The following MLEC variants were observed in gnomAD, a reference collection of about 807,000 sequenced individuals.
MLEC encodes the protein malectin, also known as oligosaccharyltransferase complex subunit (non-catalytic).
A neutral mutation model predicts 28.7 loss-of-function variants in MLEC; 7 were observed. That is an observed-to-expected ratio of 0.24 (90% CI 0.14 to 0.46). The LOEUF (loss-of-function observed/expected upper bound fraction) is 0.46. Ranked by LOEUF, MLEC falls within the 20% of genes least tolerant of loss-of-function variation. MLEC has a pLI of 0.99. For synonymous variants in MLEC, 142 were observed against 164.4 expected, an observed-to-expected ratio of 0.86 and a Z score of 1.04; for missense variants, 237 against 391.1, an observed-to-expected ratio of 0.61 and a Z score of 3.32.
rs1882436017 is a variant in MLEC at position 120,701,234 on chromosome 12, A to G, written c.*4689A>G. The G allele has an allele frequency of 6.6e-6, 1 of 152,334 alleles. No homozygotes were observed. The highest frequency in any genetic ancestry group is 2.4e-5 in the African/African-American group (1 of 41,452). 9.4% of individuals were successfully genotyped at this position (152,334 alleles called of 1,614,324 possible). A position where few individuals can be genotyped will look rare whatever the true frequency, so the allele number is the denominator to read the frequency against. ...GCGCTTTCCGTCCTTTCAAAGGACA[A>G]CTGTCGGGAAGGGAGAGCCGAGTTG... On this transcript the variant is annotated 3_prime_UTR_variant, in exon 5 of 5. Transcript: ENST00000228506. The surrounding 1 kb of genome is among the most constrained non-coding windows in gnomAD (Gnocchi z 4.0).
chr12:120,696,352 A>C lies in MLEC; in HGVS notation c.686A>C (p.Lys229Thr), dbSNP rs1418124989. The C allele has an allele frequency of 1.2e-6, 2 of 1,614,212 alleles. No homozygotes were observed. Among genetic ancestry groups the C allele is most frequent in the Middle Eastern group, 1.6e-4 (1 of 6,062 alleles). ...PKLQPHPGLEKKEEEEEEEEY... is the reference protein window; with the variant it reads ...PKLQPHPGLETKEEEEEEEEY... ...CTTCAGCCTCATCCGGGATTGGAGA[A>C]GAAAGAAGAGGAAGAAGAAGAAGAA... Residue 229 changes from lysine (K) to threonine (T), a missense_variant, in exon 5 of 5, where the codon AAG becomes ACG. Physicochemically the swap from Lys to Thr is moderately conservative, Grantham distance 78. Coordinates refer to ENST00000228506, the MANE Select transcript of MLEC (RefSeq NM_014730.4). The surrounding 1 kb of genome is among the most constrained non-coding windows in gnomAD (Gnocchi z 5.4).
intron 1 of MLEC, chr12:120,693,873 T>G: frequency 6.8e-6 from 3 of 440,086 alleles, no homozygotes; most frequent in Non-Finnish European, 8.3e-6. Flanking sequence ...GTTGGCCTGA[T>G]TAGTGTTTAG....
intron 1 of MLEC, among the ~76,000 whole-genome samples, chr12:120,691,145 A>C (rs757637551): frequency 1.3e-5 from 2 of 152,192 alleles, no homozygotes; most frequent in Non-Finnish European, 2.9e-5. Context: ...TGTGGTTCCC[A>C]GTTGCAGTTT....
In MLEC at chr12:120,694,263, G is replaced by C. The variant is rs1039377658; in HGVS notation, c.408G>C (p.Gln136His). The C allele has an allele frequency of 1.9e-6, 3 of 1,613,692 alleles. No homozygotes were observed. The highest frequency in any genetic ancestry group is 2.5e-6 in the Non-Finnish European group (3 of 1,179,930). The change falls in exon 2 of 5, where the codon CAG becomes CAC. Residue 136 changes from glutamine to histidine, a missense_variant. Gln to His is a conservative substitution (Grantham distance 24). Coordinates refer to ENST00000228506, the MANE Select transcript of MLEC (RefSeq NM_014730.4). This position sits in a 1 kb window ranked among gnomAD's most constrained non-coding sequence, Gnocchi z 4.5. The stretch of plus-strand genomic sequence containing the variant: ...CAGAGGTCTACTTTGCACAGTCCCA[G>C]CAAAAGGTGAGGCCTAGTCAGGCTG... Reference protein sequence around the residue: ...KFAEVYFAQSQQKVFDVRLNG... With the variant: ...KFAEVYFAQSHQKVFDVRLNG...
At chr12:120,695,181 A>T in intron 4 of MLEC, 29 bp downstream of exon 4, 1 of 1,613,324 alleles carries the variant, frequency 6.2e-7, no homozygotes, top group Non-Finnish European at 8.5e-7. Flanking sequence ...TGCTTTTTTG[A>T]CTTGAGTGGA....
In MLEC at chr12:120,694,013, C is replaced by A; in HGVS notation, c.236-78C>A. The stretch of plus-strand genomic sequence containing the variant: ...GGTTATTAGCATTGCCCTGGAAATG[C>A]CTCTGGCTGTTCTGGGGTCTTTGCT... On this transcript the variant is annotated intron_variant, in intron 1 of 4. Transcript: ENST00000228506. The surrounding 1 kb of genome is among the most constrained non-coding windows in gnomAD (Gnocchi z 4.5). 1.4e-6 allele frequency: 2 copies of A among 1,380,256 alleles called. No homozygotes were observed. The highest frequency in any genetic ancestry group is 2.0e-6 in the Non-Finnish European group (2 of 1,012,874). The allele number at this position is 1,380,256 out of a possible 1,614,324, so 85.5% of individuals were successfully genotyped here. A position where few individuals can be genotyped will look rare whatever the true frequency, so the allele number is the denominator to read the frequency against.
chr12:120,688,487 T>A (rs187890471), intron 1 of MLEC, among the ~76,000 whole-genome samples: 1 of 152,350 alleles, frequency 6.6e-6, no homozygotes, highest in East Asian at 1.9e-4. Flanking sequence ...AATCTTTGTT[T>A]CTTCTGTTGG....
In MLEC at chr12:120,696,680, C is replaced by CATTTT. The variant is rs2137421495; in HGVS notation, c.*136_*137insTTTTA. ...AAAAACACACATCAATTAAAGGAGA[C>CATTTT]AAAAAGAGGCAGAGCGAGTAGAGAG... On this transcript the variant is annotated 3_prime_UTR_variant, in exon 5 of 5. Coordinates refer to ENST00000228506, the MANE Select transcript of MLEC (RefSeq NM_014730.4). The surrounding 1 kb of genome is among the most constrained non-coding windows in gnomAD (Gnocchi z 5.4). 10 of 1,330,434 alleles carry CATTTT rather than the reference C, an allele frequency of 7.5e-6. No homozygotes were observed. The South Asian group carries it at 1.3e-4, about 17-fold the overall frequency. 82.4% of individuals were successfully genotyped at this position (1,330,434 alleles called of 1,614,324 possible).
intron 1 of MLEC, 105 bp from the exon 2 acceptor site, chr12:120,693,986 A>G: frequency 1.9e-6 from 2 of 1,052,640 alleles, no homozygotes; most frequent in Non-Finnish European, 2.7e-6. Flanking sequence ...TTTTATGGAG[A>G]GGGTTATTAG....
Position 120,687,438 on chromosome 12 carries a change from G to A in MLEC, c.142G>A (p.Val48Ile), listed in dbSNP as rs749284296. The stretch of plus-strand genomic sequence containing the variant: ...GGCGGGGGCCGGGCTGCCCGAGAGC[G>A]TCATTTGGGCGGTCAACGCGGGTGG... ...GAAGAGLPESVIWAVNAGGEA... is the reference protein window; with the variant it reads ...GAAGAGLPESIIWAVNAGGEA... The change falls in exon 1 of 5, where the codon GTC becomes ATC. Residue 48 changes from valine to isoleucine, a missense_variant. By Grantham distance (29) the Val-to-Ile change is conservative. Coordinates refer to ENST00000228506, the MANE Select transcript of MLEC (RefSeq NM_014730.4). This position sits in a 1 kb window ranked among gnomAD's most constrained non-coding sequence, Gnocchi z 8.1. The A allele has an allele frequency of 1.4e-6, 2 of 1,406,688 alleles. No individual in the cohort carries two copies. The highest frequency in any genetic ancestry group is 3.0e-5 in the Admixed American group (1 of 33,376). The allele number at this position is 1,406,688 out of a possible 1,614,324, so 87.1% of individuals were successfully genotyped here.
At chr12:120,692,391 A>T (rs1156883759) in intron 1 of MLEC, among the ~76,000 whole-genome samples, 1 of 152,172 alleles carries the variant, frequency 6.6e-6, no homozygotes, top group African/African-American at 2.4e-5. Context: ...GGAGCATGTT[A>T]GCAGTACATC....
At chr12:120,695,188 T>C (rs1324880086) in intron 4 of MLEC, 36 bp downstream of exon 4, 35 of 1,610,650 alleles carry the variant, frequency 2.2e-5, no homozygotes, top group Non-Finnish European at 2.9e-5. Flanking sequence ...TTGACTTGAG[T>C]GGAGGGATAT....
intron 1 of MLEC, among the ~76,000 whole-genome samples, chr12:120,692,024 G>T (rs1209615715): frequency 1.3e-5 from 2 of 152,166 alleles, no homozygotes; most frequent in Admixed American, 1.3e-4. Context: ...GCCGGGCGTG[G>T]TGATGCGTGC....
In MLEC at chr12:120,700,779, A is replaced by G. The variant is rs1882417440; in HGVS notation, c.*4234A>G. ...GGCTAGATTTCCTCATTTTGTTATGAGACTAGATTGGTACCAGTAGATCAG... is the reference window on the plus strand; with the variant it reads ...GGCTAGATTTCCTCATTTTGTTATGGGACTAGATTGGTACCAGTAGATCAG... On this transcript the variant is annotated 3_prime_UTR_variant, in exon 5 of 5. Transcript: ENST00000228506. This position sits in a 1 kb window ranked among gnomAD's most constrained non-coding sequence, Gnocchi z 4.0. 6.6e-6 allele frequency: 1 copy of G among 152,204 alleles called. No homozygotes were observed. Among genetic ancestry groups the G allele is most frequent in the Non-Finnish European group, 1.5e-5 (1 of 68,042 alleles). 9.4% of individuals were successfully genotyped at this position (152,204 alleles called of 1,614,324 possible).
chr12:120,689,769 C>T (rs1881969974), intron 1 of MLEC, among the ~76,000 whole-genome samples: 1 of 152,184 alleles, frequency 6.6e-6, no homozygotes. Context: ...GAACTGTATG[C>T]CTTATTTCTT....
rs1263032766 is a variant in MLEC at position 120,698,002 on chromosome 12, T to C, written c.*1457T>C. 2 of 152,102 alleles carry C rather than the reference T, an allele frequency of 1.3e-5. No individual in the cohort carries two copies. Among genetic ancestry groups the C allele is most frequent in the South Asian group, 2.1e-4 (1 of 4,820 alleles). The allele number at this position is 152,102 out of a possible 1,614,324, so 9.4% of individuals were successfully genotyped here. On this transcript the variant is annotated 3_prime_UTR_variant, in exon 5 of 5. Coordinates refer to ENST00000228506, the MANE Select transcript of MLEC (RefSeq NM_014730.4). ...CTTGAATTCCCTGAAAAAATTTCTA[T>C]AGGAAATGAAGCTTCCCTGGTCCCC...
chr12:120,690,775 G>A (rs1003849033), intron 1 of MLEC, among the ~76,000 whole-genome samples: 2 of 152,154 alleles, frequency 1.3e-5, no homozygotes, highest in Admixed American at 6.5e-5. Flanking sequence ...GTAAGAGCTT[G>A]AAACATGGGA....
In MLEC at chr12:120,695,046, G is replaced by C. The variant is rs752490462; in HGVS notation, c.591+46G>C. On this transcript the variant is annotated intron_variant, in intron 3 of 4. Transcript: ENST00000228506. ...ATTGCTGAAGAGAGTGGGTACAGGG[G>C]AAGTTGTTTGCTGCTGTGTGGGGTT... 6 of 1,614,110 alleles carry C rather than the reference G, an allele frequency of 3.7e-6. No homozygotes were observed. In the South Asian group the frequency reaches 5.5e-5, roughly 15 times the overall value.
At position 120,687,260 on chromosome 12, in the gene MLEC, A is replaced by C. The variant is rs1881855768; in HGVS notation, c.-37A>C. On this transcript the variant is annotated 5_prime_UTR_variant, in exon 1 of 5. Transcript: ENST00000228506. This position sits in a 1 kb window ranked among gnomAD's most constrained non-coding sequence, Gnocchi z 8.1. Reference sequence around the variant, plus strand: ...GTGGCCTGGCAGCCGGCCGAGGACGAGGGTCGGCGGGGGCTGCCCCCGTGG... The same window carrying C: ...GTGGCCTGGCAGCCGGCCGAGGACGCGGGTCGGCGGGGGCTGCCCCCGTGG... 2 of 1,365,232 alleles carry C rather than the reference A, an allele frequency of 1.5e-6. No individual in the cohort carries two copies. Among genetic ancestry groups the C allele is most frequent in the Non-Finnish European group, 1.9e-6 (2 of 1,064,938 alleles). 84.6% of individuals were successfully genotyped at this position (1,365,232 alleles called of 1,614,324 possible).
Sources: gnomAD v4.1 joint callset for allele counts (sites outside exome capture counted in the v4.1 genomes callset) on GRCh38, gnomAD v4.1.1 for gene constraint, Gnocchi (gnomAD v3.1) non-coding constraint, MANE v1.5 for transcripts, NCBI Gene and HGNC (gene_info 2026-07-23, HGNC 2026-07-21) for gene names.